TTC28: variants seen among roughly 807,000 people sequenced by gnomAD.
TTC28 encodes tetratricopeptide repeat domain 28.
TTC28 carries 61 observed loss-of-function variants against 198.0 expected under a neutral mutation model. The ratio of observed to expected loss-of-function variants is 0.31; its 90% CI spans 0.25 to 0.38. TTC28 has a LOEUF of 0.38. TTC28 is among the 10% of genes least tolerant of loss of function. The probability of loss-of-function intolerance (pLI) is 1.00; values close to 1 mark genes in which losing one functional copy is unlikely to be tolerated. For missense variants in TTC28, 2,678 were observed against 3,164.0 expected (o/e 0.85, Z 3.69); for synonymous variants, 1,171 against 1,297.8 (o/e 0.90, Z 2.10).
chr22:28,491,931 TAA>T (rs1440754915), intron 2 of TTC28, among the ~76,000 whole-genome samples: 1 of 151,960 alleles, frequency 6.6e-6, no homozygotes, highest in Admixed American at 6.6e-5. Flanking sequence ...TATGCAGCCA[TAA>T]AAAAGGATGA....
intron 1 of TTC28, among the ~76,000 whole-genome samples, chr22:28,674,817 C>CAA (rs34351638): frequency 1.0e-5 from 1 of 96,568 alleles, no homozygotes; most frequent in African/African-American, 4.1e-5. Flanking sequence ...ACTCTGTCTC[C>CAA]AAAAAAAAAA....
Position 28,049,833 on chromosome 22 carries a change from A to G in TTC28, c.3933-19467T>C, listed in dbSNP as rs559227396. 2.1e-4 allele frequency among the ~76,000 whole-genome samples: 32 copies of G among 152,092 alleles called. No individual in the cohort carries two copies. In the South Asian group the frequency reaches 3.5e-3, roughly 17 times the overall value. Reference sequence around the variant, plus strand: ...TGTGTATGGGTGTATGTTCGTGAAGAGTGTGTGTAGGAGCAAGGGCCTGTG... The same window carrying G: ...TGTGTATGGGTGTATGTTCGTGAAGGGTGTGTGTAGGAGCAAGGGCCTGTG... On this transcript the variant is annotated intron_variant, in intron 12 of 22. Coordinates refer to ENST00000397906, the MANE Select transcript of TTC28 (RefSeq NM_001145418.2).
intron 2 of TTC28, among the ~76,000 whole-genome samples, chr22:28,466,077 C>G (rs1339351114): frequency 6.6e-6 from 1 of 152,184 alleles, no homozygotes; most frequent in Non-Finnish European, 1.5e-5. Context: ...TAGTTAATAA[C>G]TACAGAGTTT....
intron 2 of TTC28, among the ~76,000 whole-genome samples, chr22:28,321,500 A>C (rs1332507370): frequency 1.3e-5 from 2 of 152,216 alleles, no homozygotes; most frequent in East Asian, 3.8e-4. Context: ...TCAAGGAAGC[A>C]GTGTGGAAAG....
chr22:28,025,961 G>C (rs548022312), intron 13 of TTC28, among the ~76,000 whole-genome samples: 1 of 152,292 alleles, frequency 6.6e-6, no homozygotes, highest in East Asian at 1.9e-4. Flanking sequence ...GGCCAGGCTG[G>C]CCTTGTGGAG....
intron 5 of TTC28, among the ~76,000 whole-genome samples, chr22:28,217,643 C>T (rs1034655262): frequency 6.6e-6 from 1 of 152,134 alleles, no homozygotes; most frequent in South Asian, 2.1e-4. Flanking sequence ...CATGTAAGAA[C>T]AAGAAGCAGC....
At chr22:28,552,737 A>G in intron 2 of TTC28, among the ~76,000 whole-genome samples, 1 of 151,490 alleles carries the variant, frequency 6.6e-6, no homozygotes. Flanking sequence ...TTCAAGATGG[A>G]TCAAAGCCTC....
At chr22:28,255,681 CA>C (rs134192) in intron 5 of TTC28, among the ~76,000 whole-genome samples, 8,103 of 114,590 alleles carry the variant, frequency 0.071, 302 homozygotes, top group Admixed American at 0.17. Flanking sequence ...AACTCCGTCT[CA>C]AAAAAAAAAA....
chr22:28,345,711 G>T (rs2045893566), intron 2 of TTC28, among the ~76,000 whole-genome samples: 1 of 152,138 alleles, frequency 6.6e-6, no homozygotes, highest in African/African-American at 2.4e-5. Flanking sequence ...ATAGAAATCA[G>T]AACTTAAAAC....
chr22:28,543,378 GGAAGAAGA>G (rs1203552508), intron 2 of TTC28, among the ~76,000 whole-genome samples: 1 of 149,240 alleles, frequency 6.7e-6, no homozygotes, highest in Non-Finnish European at 1.5e-5. Context: ...AGAAAGAATA[GGAAGAAGA>G]AAAGAAGATG....
intron 1 of TTC28, among the ~76,000 whole-genome samples, chr22:28,669,525 C>T (rs1569091323): frequency 6.6e-6 from 1 of 151,936 alleles, no homozygotes. Context: ...TCAAATTGTA[C>T]TAAAAATCAG....
At chr22:28,633,423 G>A (rs942474849) in intron 1 of TTC28, among the ~76,000 whole-genome samples, 3 of 152,108 alleles carry the variant, frequency 2.0e-5, no homozygotes, top group African/African-American at 7.2e-5. Flanking sequence ...GAGCCCGGGA[G>A]TTCAAGACCA....
chr22:28,437,199 C>G (rs1003020375), intron 2 of TTC28, among the ~76,000 whole-genome samples: 10 of 152,118 alleles, frequency 6.6e-5, no homozygotes, highest in Non-Finnish European at 1.3e-4. Flanking sequence ...TCTCGTGCCT[C>G]AGCCAGCTGA....
Position 28,294,579 on chromosome 22 carries a change from TC to T in TTC28, c.933+1618del, listed in dbSNP as rs921002729. On this transcript the variant is annotated intron_variant, in intron 5 of 22. Transcript: ENST00000397906. ...AGCTCTTGCCTTTTTTTTTTTTCTT[TC>T]CCCCCCAAGATGGAGTCTTGCTCTG... Among the ~76,000 whole-genome samples the T allele has an allele frequency of 3.3e-5, 5 of 151,914 alleles. No individual in the cohort carries two copies. The South Asian group carries it at 1.0e-3, about 32-fold the overall frequency.
At chr22:28,510,066 C>T (rs1469060473) in intron 2 of TTC28, among the ~76,000 whole-genome samples, 1 of 152,092 alleles carries the variant, frequency 6.6e-6, no homozygotes, top group Non-Finnish European at 1.5e-5. Flanking sequence ...AAGCCCATGA[C>T]CAGACAGATC....
chr22:28,615,895 G>A (rs1031208594), intron 2 of TTC28, among the ~76,000 whole-genome samples: 2 of 152,096 alleles, frequency 1.3e-5, no homozygotes, highest in African/African-American at 4.8e-5. Context: ...GTATACCTAT[G>A]TAACAAACCT....
intron 2 of TTC28, among the ~76,000 whole-genome samples, chr22:28,310,584 T>C (rs1190647843): frequency 6.6e-6 from 1 of 152,076 alleles, no homozygotes; most frequent in African/African-American, 2.4e-5. Context: ...TACTCTCCCT[T>C]GGCCTAAATG....
At chr22:28,418,953 TA>T (rs2047206477) in intron 2 of TTC28, among the ~76,000 whole-genome samples, 1 of 152,144 alleles carries the variant, frequency 6.6e-6, no homozygotes, top group Non-Finnish European at 1.5e-5. Flanking sequence ...TCAAAGAGCT[TA>T]AAATCAGAAT....
Position 28,321,578 on chromosome 22 carries a change from C to T in TTC28, c.382-14935G>A, listed in dbSNP as rs998508108. Among the ~76,000 whole-genome samples, 4 of 152,234 alleles carry T rather than the reference C, an allele frequency of 2.6e-5. No homozygotes were observed. The East Asian group carries it at 5.8e-4, about 22-fold the overall frequency. On this transcript the variant is annotated intron_variant, in intron 2 of 22. Coordinates refer to ENST00000397906, the MANE Select transcript of TTC28 (RefSeq NM_001145418.2). ...CTGTGATTTGGGGCAAGTTTTGTAACCACCTCTTTTGTGCAATAGTCATCA... is the reference window on the plus strand; with the variant it reads ...CTGTGATTTGGGGCAAGTTTTGTAATCACCTCTTTTGTGCAATAGTCATCA...
Sources: allele counts gnomAD v4.1 joint callset (sites outside exome capture counted in the v4.1 genomes callset), GRCh38; gene constraint gnomAD v4.1.1; transcripts MANE v1.5; gene names NCBI Gene and HGNC (gene_info 2026-07-23, HGNC 2026-07-21).